ARHGEF26: variants seen among roughly 807,000 people sequenced by gnomAD.
The protein encoded by ARHGEF26 is Rho guanine nucleotide exchange factor (GEF) 26.
A neutral mutation model predicts 89.4 loss-of-function variants in ARHGEF26; 59 were observed. The ratio of observed to expected loss-of-function variants is 0.66; its 90% confidence interval spans 0.54 to 0.82. The LOEUF (loss-of-function observed/expected upper bound fraction) is 0.82. Ranked by LOEUF, ARHGEF26 falls within the 40% of genes least tolerant of loss-of-function variation. ARHGEF26 has a pLI of 0.00. For synonymous variants in ARHGEF26, 500 were observed against 428.4 expected (o/e 1.17, Z -2.06); for missense variants, 1,234 against 1,085.6 (o/e 1.14, Z -1.92).
intron 7 of ARHGEF26, 85 bp from the exon 8 acceptor site, chr3:154,191,204 A>T: frequency 1.2e-5 from 17 of 1,393,898 alleles, no homozygotes; most frequent in Non-Finnish European, 1.7e-5. Flanking sequence ...TGGATTTATC[A>T]CAGTATTTTG....
At chr3:154,187,175 C>G (rs1473291450) in intron 6 of ARHGEF26, 2 of 978,356 alleles carry the variant, frequency 2.0e-6, no homozygotes, top group Admixed American at 1.2e-4. Context: ...CACATGTGAG[C>G]CACCACACCT....
intron 9 of ARHGEF26, among the ~76,000 whole-genome samples, chr3:154,202,048 GT>G (rs1714677851): frequency 6.6e-6 from 1 of 152,084 alleles, no homozygotes; most frequent in Non-Finnish European, 1.5e-5. Context: ...GTTGCCATTT[GT>G]TTTGGTGTTT....
chr3:154,254,194 C>T (rs1241750750), intron 13 of ARHGEF26, among the ~76,000 whole-genome samples: 2 of 152,150 alleles, frequency 1.3e-5, no homozygotes, highest in African/African-American at 2.4e-5. Context: ...GGATTACAGG[C>T]GTGAGCCACC....
At chr3:154,163,850 AT>A (rs1711815794) in intron 6 of ARHGEF26, among the ~76,000 whole-genome samples, 1 of 152,154 alleles carries the variant, frequency 6.6e-6, no homozygotes, top group African/African-American at 2.4e-5. Context: ...AAATAACCTA[AT>A]TGATTATAAA....
rs1718198692 is a variant in ARHGEF26 at position 154,124,429 on chromosome 3, A to G, written c.1103A>G (p.Gln368Arg). The change falls in exon 3 of 15, where the codon CAA (glutamine) becomes CGA (arginine). Residue 368 changes from glutamine to arginine, a missense_variant. Transcript: ENST00000465093. ...TCTTAGAAAAAAATGCTGAAAGGAC[A>G]AGGAACATTTGATGGGGAAGGTAAG... ...GRIKKKMLKG[Q>R]GTFDGEENAV... is the part of the protein sequence containing the mutation. The G allele has an allele frequency of 2.0e-6, 3 of 1,513,882 alleles. No homozygotes were observed. In the South Asian group the frequency reaches 4.0e-5, roughly 20 times the overall value. 93.8% of individuals were successfully genotyped at this position (1,513,882 alleles called of 1,614,324 possible). A position where few individuals can be genotyped will look rare whatever the true frequency, so the allele number is the denominator to read the frequency against.
In ARHGEF26 at chr3:154,253,172, C is replaced by G; in HGVS notation, c.2357C>G (p.Ala786Gly). 1 of 1,614,050 alleles carries G rather than the reference C, an allele frequency of 6.2e-7. No individual in the cohort carries two copies. Among genetic ancestry groups the G allele is most frequent in the Non-Finnish European group, 8.5e-7 (1 of 1,179,896 alleles). Residue 786 changes from alanine to glycine, a missense_variant, in exon 13 of 15, where the codon GCA becomes GGA. By Grantham distance (60) the Ala-to-Gly change is moderately conservative. Coordinates refer to ENST00000465093, the MANE Select transcript of ARHGEF26 (RefSeq NM_015595.4). ...ALGHSSGKPP[A>G]DRTSLTQVEI... ...GGACACAGCAGCGGGAAGCCGCCTG[C>G]AGACCGAACCTGTAAGTTCTCTCAA... is the stretch of plus-strand genomic sequence containing the variant.
intron 6 of ARHGEF26, among the ~76,000 whole-genome samples, chr3:154,179,531 C>T (rs1559880961): frequency 2.0e-5 from 3 of 152,044 alleles, no homozygotes; most frequent in Non-Finnish European, 1.5e-5. Flanking sequence ...GCTAGCCTCT[C>T]TGAGAACTAG....
chr3:154,231,373 G>A lies in ARHGEF26; in HGVS notation c.2090+5363G>A, dbSNP rs577521710. The stretch of plus-strand genomic sequence containing the variant: ...GAGAAGCACAATATCGATGCCTGGG[G>A]TCAGAAAACTGAGCTCAAATCCTGG... On this transcript the variant is annotated intron_variant, in intron 11 of 14. Coordinates refer to ENST00000465093, the MANE Select transcript of ARHGEF26 (RefSeq NM_015595.4). Among the ~76,000 whole-genome samples the A allele has an allele frequency of 7.9e-5, 12 of 152,256 alleles. No individual in the cohort carries two copies. The South Asian group carries it at 2.5e-3, about 32-fold the overall frequency.
At chr3:154,125,342 T>C (rs536379342) in intron 3 of ARHGEF26, among the ~76,000 whole-genome samples, 8 of 152,324 alleles carry the variant, frequency 5.3e-5, no homozygotes, top group South Asian at 4.1e-4. Flanking sequence ...AAATGACTTA[T>C]CTATAAAAAT....
chr3:154,198,148 A>G (rs981351543), intron 9 of ARHGEF26, among the ~76,000 whole-genome samples: 3 of 152,108 alleles, frequency 2.0e-5, no homozygotes, highest in Admixed American at 6.6e-5. Flanking sequence ...AGCATCACTA[A>G]CTATAAAGGC....
At chr3:154,133,376 A>C (rs1055711940) in intron 4 of ARHGEF26, among the ~76,000 whole-genome samples, 3 of 152,148 alleles carry the variant, frequency 2.0e-5, no homozygotes, top group Non-Finnish European at 2.9e-5. Flanking sequence ...GTTGGGCCTC[A>C]GTAGAATAAT....
intron 11 of ARHGEF26, among the ~76,000 whole-genome samples, chr3:154,228,436 C>CTTTTTTTTTTTTTTCT (rs71744878): frequency 2.1e-5 from 3 of 141,544 alleles, no homozygotes; most frequent in Admixed American, 7.1e-5. Context: ...CGCACCTGGC[C>CTTTTTTTTTTTTTTCT]TTTTTTTTTT....
rs1397477597 is a variant in ARHGEF26 at position 154,122,396 on chromosome 3, T to TGCCTGC, written c.408_413dup (p.Ala137_Pro138dup). On this transcript the variant is annotated inframe_insertion, in exon 2 of 15. Transcript: ENST00000465093. ...TCCCCAGCAAATGGCGCGGTGACCT[T>TGCCTGC]GCCTGCGCCGCCGCCGCCGCCGGTT... 1 of 1,610,262 alleles carries TGCCTGC rather than the reference T, an allele frequency of 6.2e-7. No individual in the cohort carries two copies. The highest frequency in any genetic ancestry group is 2.2e-5 in the East Asian group (1 of 44,822).
chr3:154,175,447 C>T (rs547340539), intron 6 of ARHGEF26, among the ~76,000 whole-genome samples: 2 of 151,942 alleles, frequency 1.3e-5, no homozygotes, highest in South Asian at 2.1e-4. Context: ...AAAAAAAGTG[C>T]AAGGAATTAA....
In ARHGEF26 at chr3:154,229,358, T is replaced by C. The variant is rs527989584; in HGVS notation, c.2090+3348T>C. Among the ~76,000 whole-genome samples, 9 of 152,294 alleles carry C rather than the reference T, an allele frequency of 5.9e-5. No individual in the cohort carries two copies. The East Asian group carries it at 1.5e-3, about 26-fold the overall frequency. The stretch of plus-strand genomic sequence containing the variant: ...TCCTGAGTAGCTGGGGCTGTGGGCA[T>C]GTGCCTTTCTCTTTACAAGAAAGTT... On this transcript the variant is annotated intron_variant, in intron 11 of 14. Coordinates refer to ENST00000465093, the MANE Select transcript of ARHGEF26 (RefSeq NM_015595.4).
intron 9 of ARHGEF26, among the ~76,000 whole-genome samples, chr3:154,214,360 A>G (rs1715588649): frequency 1.3e-5 from 2 of 152,186 alleles, no homozygotes; most frequent in South Asian, 4.2e-4. Flanking sequence ...CCAGGCAGCA[A>G]GAGGTCTGAG....
intron 7 of ARHGEF26, among the ~76,000 whole-genome samples, chr3:154,190,637 C>T (rs767944448): frequency 6.6e-6 from 1 of 152,190 alleles, no homozygotes; most frequent in Non-Finnish European, 1.5e-5. Context: ...TCTGGCCTTC[C>T]TTAAAAGTTA....
chr3:154,230,032 C>G (rs1488310925), intron 11 of ARHGEF26, among the ~76,000 whole-genome samples: 3 of 152,092 alleles, frequency 2.0e-5, no homozygotes, highest in African/African-American at 7.2e-5. Flanking sequence ...TTTTGAAATA[C>G]AAAACTGAAT....
Position 154,122,166 on chromosome 3 carries a change from G to GTT in ARHGEF26, c.174_175insTT (p.Leu59PhefsTer76). 1 of 1,598,466 alleles carries GTT rather than the reference G, an allele frequency of 6.3e-7. No homozygotes were observed. ...ATTTCCCGGTGGAGGACGGAGGGAC[G>GTT]CTCCTCGCAGCGCAGATTCCCGCCC... On this transcript the variant is annotated frameshift_variant, in exon 2 of 15. Transcript: ENST00000465093. LOFTEE classifies it high-confidence loss of function.
Sources: gnomAD v4.1 joint callset for allele counts (sites outside exome capture counted in the v4.1 genomes callset) on GRCh38, gnomAD v4.1.1 for gene constraint, MANE v1.5 for transcripts, NCBI Gene and HGNC (gene_info 2026-07-23, HGNC 2026-07-21) for gene names.